Variants in KLRG1 observed in about 807,000 individuals in gnomAD.
KLRG1 encodes killer cell lectin-like receptor subfamily G member 1.
In KLRG1, 16 loss-of-function variants were observed where a neutral mutation model predicts 21.8. The observed-to-expected ratio is 0.73, with a 90% CI of 0.50 to 1.11. The LOEUF is 1.11. Among genes scored for constraint, KLRG1 ranks in the 50% most tolerant of loss-of-function variants. The pLI is 0.00. For missense variants in KLRG1, 173 were observed against 218.3 expected (o/e 0.79, Z 1.31); for synonymous variants, 69 against 75.9 (o/e 0.91, Z 0.47).
chr12:9,214,963 G>A, the KLRG1 span, among the ~76,000 whole-genome samples: 5 of 151,752 alleles, frequency 3.3e-5, no homozygotes, highest in East Asian at 1.9e-4. Flanking sequence ...CTGAGTTGTA[G>A]GGGTTCCTTA....
chr12:9,153,456 G>A, the KLRG1 span: 1 of 734,652 alleles, frequency 1.4e-6, no homozygotes, highest in East Asian at 2.6e-5. Flanking sequence ...TACCCCTAAG[G>A]TAGATCTTCA....
chr12:9,165,377 AG>A, the KLRG1 span: 1 of 1,613,634 alleles, frequency 6.2e-7, no homozygotes, highest in Non-Finnish European at 8.5e-7. Flanking sequence ...GCTGGGGAGG[AG>A]GGCAAGTGAA....
At chr12:8,975,697 G>A (rs1946647204) in intron 1 of KLRG1, among the ~76,000 whole-genome samples, 1 of 152,130 alleles carries the variant, frequency 6.6e-6, no homozygotes, top group South Asian at 2.1e-4. Flanking sequence ...CTGAGTAGCT[G>A]AGACTACAGG....
At chr12:9,003,455 A>C (rs1357294207) in intron 3 of KLRG1, among the ~76,000 whole-genome samples, 2 of 152,056 alleles carry the variant, frequency 1.3e-5, no homozygotes, top group African/African-American at 4.8e-5. Flanking sequence ...TATCATTCAC[A>C]CCAATTTTGT....
chr12:9,007,460 C>G (rs1947505758), intron 3 of KLRG1, among the ~76,000 whole-genome samples: 1 of 152,008 alleles, frequency 6.6e-6, no homozygotes, highest in African/African-American at 2.4e-5. Flanking sequence ...TAGAGACAGG[C>G]TTTTTGTACC....
the KLRG1 span, chr12:9,106,193 G>GT: frequency 8.6e-7 from 1 of 1,159,726 alleles, no homozygotes; most frequent in Non-Finnish European, 1.3e-6. Flanking sequence ...TGCTAATTAG[G>GT]TAACAGTACA....
the KLRG1 span, among the ~76,000 whole-genome samples, chr12:9,016,793 T>C: frequency 6.6e-6 from 1 of 151,958 alleles, no homozygotes; most frequent in Non-Finnish European, 1.5e-5. Context: ...TTTTCATTTT[T>C]AGTAGAGATG....
At chr12:9,152,705 G>A in the KLRG1 span, 1 of 1,048,428 alleles carries the variant, frequency 9.5e-7, no homozygotes, top group Non-Finnish European at 1.4e-6. Flanking sequence ...TTCATTTATA[G>A]ATATATCAAT....
chr12:9,162,649 C>A, the KLRG1 span: 1 of 1,589,678 alleles, frequency 6.3e-7, no homozygotes. Context: ...TACCTTCAGC[C>A]TTGGATGAAA....
intron 3 of KLRG1, chr12:8,996,633 G>C (rs1308000600): frequency 6.6e-6 from 1 of 151,882 alleles, no homozygotes; most frequent in Admixed American, 6.6e-5. Flanking sequence ...TACTCCTTTG[G>C]AATTCCACAT....
At chr12:9,116,481 C>A in the KLRG1 span, among the ~76,000 whole-genome samples, 2 of 152,148 alleles carry the variant, frequency 1.3e-5, no homozygotes, top group South Asian at 4.1e-4. Flanking sequence ...AAAAGAGTTT[C>A]CTGTTTTAAG....
the KLRG1 span, among the ~76,000 whole-genome samples, chr12:9,193,780 C>A: frequency 6.6e-6 from 1 of 151,986 alleles, no homozygotes; most frequent in African/African-American, 2.4e-5. Context: ...TAACATAAAA[C>A]AAAGTACATG....
chr12:9,013,650 G>A (rs1162205469), downstream of KLRG1, among the ~76,000 whole-genome samples: 2 of 152,108 alleles, frequency 1.3e-5, no homozygotes, highest in African/African-American at 2.4e-5. Flanking sequence ...GAGAACTTGT[G>A]CAGGGAAACT....
the KLRG1 span, among the ~76,000 whole-genome samples, chr12:9,193,833 A>T: frequency 1.3e-5 from 2 of 152,202 alleles, no homozygotes; most frequent in African/African-American, 2.4e-5. Context: ...CAAATCAAAT[A>T]AGATTTTTTT....
At chr12:9,124,656 G>C in the KLRG1 span, among the ~76,000 whole-genome samples, 1 of 152,334 alleles carries the variant, frequency 6.6e-6, no homozygotes, top group Non-Finnish European at 1.5e-5. Flanking sequence ...GCACCCTCGA[G>C]AGCCGGGAAG....
the KLRG1 span, among the ~76,000 whole-genome samples, chr12:9,044,615 C>T: frequency 6.6e-6 from 1 of 151,778 alleles, no homozygotes. Flanking sequence ...TGCAGTGAGC[C>T]GAGATCACCC....
chr12:8,993,084 T>G (rs79621704), intron 2 of KLRG1, among the ~76,000 whole-genome samples: 1 of 6,410 alleles, frequency 1.6e-4, no homozygotes, highest in South Asian at 2.6e-3. Context: ...ATTCTGAATT[T>G]TTTTTTTTTT....
chr12:9,068,630 A>T, the KLRG1 span: 2 of 879,698 alleles, frequency 2.3e-6, no homozygotes, highest in South Asian at 3.1e-5. Context: ...AGACAAAATG[A>T]AGTGATAATG....
the KLRG1 span, chr12:9,068,340 T>C: frequency 9.4e-5 from 98 of 1,037,762 alleles, no homozygotes; most frequent in East Asian, 4.1e-4. Flanking sequence ...AACAGTATTG[T>C]ACCAGAAACA....
Sources: allele counts gnomAD v4.1 joint callset (sites outside exome capture counted in the v4.1 genomes callset), GRCh38; gene constraint gnomAD v4.1.1; transcripts MANE v1.5; gene names NCBI Gene and HGNC (gene_info 2026-07-23, HGNC 2026-07-21).